Variants in FBXL18 observed in about 807,000 individuals in gnomAD.
FBXL18 encodes the protein F-box/LRR-repeat protein 18.
A neutral mutation model predicts 46.0 loss-of-function variants in FBXL18; 36 were observed. The observed-to-expected ratio is 0.78, with a 90% CI of 0.60 to 1.03. FBXL18 has a LOEUF of 1.03. FBXL18 is among the 50% of genes least tolerant of loss of function. The pLI is 0.00. For missense variants in FBXL18, 977 were observed against 1,004.1 expected, an observed-to-expected ratio of 0.97 and a Z score of 0.36; for synonymous variants, 557 against 465.3, an observed-to-expected ratio of 1.20 and a Z score of -2.54.
In FBXL18 at chr7:5,500,810, G is replaced by A. The variant is rs1221453660; in HGVS notation, c.1459C>T (p.His487Tyr). The A allele has an allele frequency of 6.2e-6, 10 of 1,612,616 alleles. No individual in the cohort carries two copies. The highest frequency in any genetic ancestry group is 8.5e-6 in the Non-Finnish European group (10 of 1,179,754). The change falls in exon 3 of 5, where the codon CAC (histidine) becomes TAC (tyrosine). Residue 487 changes from histidine (H) to tyrosine (Y), a missense_variant. By Grantham distance (83) the His-to-Tyr change is moderately conservative. Coordinates refer to ENST00000382368, the MANE Select transcript of FBXL18 (RefSeq NM_024963.6). ...SLLKNLPFLE[H>Y]LELIGSNFSS... ...AAGTTGGACCCAATCAGCTCGAGGT[G>A]TTCCAGGAAGGGCAGGTTCTTCAGC...
chr7:5,501,238 C>A lies in FBXL18; in HGVS notation c.1031G>T (p.Ser344Ile). 1 of 1,613,314 alleles carries A rather than the reference C, an allele frequency of 6.2e-7. No homozygotes were observed. The highest frequency in any genetic ancestry group is 8.5e-7 in the Non-Finnish European group (1 of 1,179,818). The change falls in exon 3 of 5, where the codon AGC becomes ATC. Residue 344 changes from serine to isoleucine, a missense_variant. Transcript: ENST00000382368. Reference protein sequence around the residue: ...QVINGGKDLRSLASLNLSGCV... With the variant: ...QVINGGKDLRILASLNLSGCV... ...GCCGCTGAGGTTCAAGCTGGCCAGGCTCCGCAGGTCCTTCCCGCCGTTGAT... is the reference window on the plus strand; with the variant it reads ...GCCGCTGAGGTTCAAGCTGGCCAGGATCCGCAGGTCCTTCCCGCCGTTGAT...
At chr7:5,482,045 G>C (rs1783661860) in intron 4 of FBXL18, 114 bp from the exon 5 acceptor site, 10 of 1,296,154 alleles carry the variant, frequency 7.7e-6, no homozygotes, top group Admixed American at 2.5e-5. Context: ...GGCTCACCTG[G>C]GGCTCCCAGA....
intron 4 of FBXL18, among the ~76,000 whole-genome samples, chr7:5,469,176 C>A (rs1440386249): frequency 6.6e-6 from 1 of 152,106 alleles, no homozygotes; most frequent in African/African-American, 2.4e-5. Flanking sequence ...CTTTGGGAGG[C>A]CGAAGTGGGT....
intron 3 of FBXL18, among the ~76,000 whole-genome samples, chr7:5,500,253 C>T (rs1784198654): frequency 6.6e-6 from 1 of 152,020 alleles, no homozygotes; most frequent in African/African-American, 2.4e-5. Flanking sequence ...GCCAGGCAGT[C>T]ACTCAAACAC....
intron 4 of FBXL18, among the ~76,000 whole-genome samples, chr7:5,465,920 C>T (rs1783334423): frequency 6.6e-6 from 1 of 151,544 alleles, no homozygotes; most frequent in Non-Finnish European, 1.5e-5. Context: ...CAGGTTCAAG[C>T]GATTCTCCTG....
At chr7:5,490,141 G>A in intron 4 of FBXL18, 2 of 1,359,950 alleles carry the variant, frequency 1.5e-6, no homozygotes, top group African/African-American at 1.5e-5. Context: ...AGTGGCTCGA[G>A]ACGTCCTGGC....
At chr7:5,460,808 G>GTGCA (rs1269687763) in intron 4 of FBXL18, among the ~76,000 whole-genome samples, 3 of 152,178 alleles carry the variant, frequency 2.0e-5, no homozygotes, top group Non-Finnish European at 2.9e-5. Flanking sequence ...TCCATCCCAA[G>GTGCA]CCCGGCCTCG....
At chr7:5,461,072 TG>T (rs1409528781) in intron 4 of FBXL18, among the ~76,000 whole-genome samples, 2 of 152,228 alleles carry the variant, frequency 1.3e-5, no homozygotes, top group Admixed American at 1.3e-4. Flanking sequence ...GCCTTTCTCC[TG>T]GTGTCCTGGT....
chr7:5,504,461 T>C (rs111798079), intron 2 of FBXL18, among the ~76,000 whole-genome samples: 47,872 of 143,580 alleles, frequency 0.33, 8,334 homozygotes, highest in Admixed American at 0.38. Flanking sequence ...CCCACCACCA[T>C]GCCCAGCTAA....
intron 4 of FBXL18, among the ~76,000 whole-genome samples, chr7:5,460,763 T>C (rs1183611472): frequency 6.6e-6 from 1 of 152,152 alleles, no homozygotes; most frequent in Non-Finnish European, 1.5e-5. Context: ...TCAGGCCTAA[T>C]CTGATGGCAG....
chr7:5,471,523 G>A (rs1292965937), downstream of FBXL18, among the ~76,000 whole-genome samples: 1 of 150,020 alleles, frequency 6.7e-6, no homozygotes, highest in East Asian at 2.0e-4. Flanking sequence ...TGATCCGCCT[G>A]CCTCGGCCTC....
intron 1 of FBXL18, among the ~76,000 whole-genome samples, chr7:5,508,439 CTA>C (rs1562707925): frequency 4.9e-5 from 4 of 81,656 alleles, no homozygotes; most frequent in Admixed American, 1.4e-4. Context: ...GAGACTTTGT[CTA>C]AAAAAAAAAA....
At chr7:5,465,742 G>A (rs983396972) in intron 4 of FBXL18, among the ~76,000 whole-genome samples, 3 of 152,098 alleles carry the variant, frequency 2.0e-5, no homozygotes, top group Non-Finnish European at 4.4e-5. Flanking sequence ...CGCTATTTGG[G>A]TGATGAGTTC....
intron 4 of FBXL18, among the ~76,000 whole-genome samples, chr7:5,463,728 A>ATTTATTTATTTTTTTTTTTTTTTTTTTTT (rs1562672288): frequency 3.8e-5 from 2 of 53,034 alleles, no homozygotes; most frequent in Non-Finnish European, 6.7e-5. Flanking sequence ...TTATTTATTT[A>ATTTATTTATTTTTTTTTTTTTTTTTTTTT]TTTTTTTTTT....
intron 1 of FBXL18, among the ~76,000 whole-genome samples, chr7:5,508,264 C>CAA (rs35577676): frequency 1.6e-5 from 2 of 124,822 alleles, no homozygotes; most frequent in Non-Finnish European, 3.4e-5. Flanking sequence ...GACTCCATCT[C>CAA]AAAAAAAAAA....
Position 5,481,476 on chromosome 7 carries a change from T to C in FBXL18, c.*299A>G. ...GGACAGGGCCCCCAGGGATTGCGGC[T>C]CAGTATACAAACCCCCCAGCCAGGC... On this transcript the variant is annotated 3_prime_UTR_variant, in exon 5 of 5. Transcript: ENST00000382368. 1 of 281,066 alleles carries C rather than the reference T, an allele frequency of 3.6e-6. No individual in the cohort carries two copies. 17.4% of individuals were successfully genotyped at this position (281,066 alleles called of 1,614,324 possible).
At chr7:5,512,435 C>T (rs1217849765) in intron 1 of FBXL18, among the ~76,000 whole-genome samples, 2 of 151,832 alleles carry the variant, frequency 1.3e-5, no homozygotes, top group East Asian at 3.9e-4. Flanking sequence ...GCCAACATGG[C>T]GAAACCCTGT....
At chr7:5,492,927 C>T (rs1783968860) in intron 3 of FBXL18, among the ~76,000 whole-genome samples, 1 of 152,176 alleles carries the variant, frequency 6.6e-6, no homozygotes, top group Admixed American at 6.5e-5. Context: ...CATGAAGCCA[C>T]TCAGTTTGTG....
chr7:5,490,079 C>A (rs781375248), intron 4 of FBXL18: 3 of 1,359,570 alleles, frequency 2.2e-6, no homozygotes, highest in Non-Finnish European at 2.9e-6. Flanking sequence ...AGCGGCCGAC[C>A]GCAAGGACAA....
Sources: allele counts gnomAD v4.1 joint callset (sites outside exome capture counted in the v4.1 genomes callset), GRCh38; gene constraint gnomAD v4.1.1; transcripts MANE v1.5; gene names NCBI Gene and HGNC (gene_info 2026-07-23, HGNC 2026-07-21).